SRGAP2B: variants seen among roughly 807,000 people sequenced by gnomAD.
SRGAP2B encodes the protein SLIT-ROBO Rho GTPase-activating protein 2B.
SRGAP2B carries 9 observed loss-of-function variants against 22.2 expected under a neutral mutation model. The observed-to-expected ratio is 0.41, with a 90% CI of 0.24 to 0.71. The LOEUF (loss-of-function observed/expected upper bound fraction) is 0.71, where lower values mean the gene tolerates loss of function less well. Ranked by LOEUF, SRGAP2B falls within the 30% of genes least tolerant of loss-of-function variation. The pLI is 0.35. For missense variants in SRGAP2B, 114 were observed against 235.8 expected (o/e 0.48, Z 3.38); for synonymous variants, 36 against 87.4 (o/e 0.41, Z 3.28).
intron 3 of SRGAP2B, among the ~76,000 whole-genome samples, chr1:144,970,738 C>T (rs1477353143): frequency 1.4e-5 from 2 of 147,620 alleles, no homozygotes; most frequent in Non-Finnish European, 3.0e-5. Context: ...TTTATTAGTA[C>T]TCCTGATGTC....
At chr1:144,964,783 G>T (rs1338113653) in intron 3 of SRGAP2B, among the ~76,000 whole-genome samples, 1 of 150,656 alleles carries the variant, frequency 6.6e-6, no homozygotes, top group African/African-American at 2.5e-5. Flanking sequence ...GCCAGGTATG[G>T]TGACACGTGC....
At chr1:144,955,323 G>A (rs1181151765) in intron 4 of SRGAP2B, 116 bp downstream of exon 4, 12 of 516,940 alleles carry the variant, frequency 2.3e-5, no homozygotes, top group Admixed American at 2.0e-4. Flanking sequence ...GCATGTCATG[G>A]GGGTCTGGTG....
chr1:144,984,369 A>AAAC (rs1553615557), intron 3 of SRGAP2B, among the ~76,000 whole-genome samples: 3 of 146,438 alleles, frequency 2.0e-5, no homozygotes, highest in Non-Finnish European at 4.4e-5. Flanking sequence ...CAACAACAAA[A>AAAC]AAAAAAAAAC....
chr1:144,941,028 T>C (rs1229371159), intron 4 of SRGAP2B, among the ~76,000 whole-genome samples: 1 of 149,950 alleles, frequency 6.7e-6, no homozygotes, highest in African/African-American at 2.5e-5. Flanking sequence ...TAAAAAAGAT[T>C]GGAAGGAAAT....
intron 2 of SRGAP2B, among the ~76,000 whole-genome samples, chr1:145,020,974 A>AT (rs1242383815): frequency 6.7e-6 from 1 of 149,322 alleles, no homozygotes; most frequent in South Asian, 2.1e-4. Context: ...AATTTTTTAA[A>AT]TTTTTTTATT....
chr1:144,928,413 T>A (rs1402222962), intron 4 of SRGAP2B, among the ~76,000 whole-genome samples: 5 of 120,340 alleles, frequency 4.2e-5, no homozygotes, highest in Admixed American at 4.0e-4. Context: ...GGTTATTTAT[T>A]TATTTATTTA....
At chr1:144,920,763 T>C (rs1192917421) in intron 4 of SRGAP2B, among the ~76,000 whole-genome samples, 3 of 150,574 alleles carry the variant, frequency 2.0e-5, no homozygotes, top group Non-Finnish European at 4.4e-5. Context: ...TAATGAGTCA[T>C]TATACACAGG....
At chr1:144,889,165 G>A (rs1295418505) in exon 10 of SRGAP2B, 2 of 148,620 alleles carry the variant, frequency 1.3e-5, no homozygotes, top group Non-Finnish European at 3.0e-5. Flanking sequence ...ATGTTGTCCA[G>A]GCTGGTCTTG....
rs587675095 is a variant in SRGAP2B, at chr1:144,950,941, C to T, written c.423+4498G>A. Among the ~76,000 whole-genome samples, 7 of 150,516 alleles carry T rather than the reference C, an allele frequency of 4.7e-5. 1 individual carries two copies. The highest frequency in any genetic ancestry group is 3.3e-4 in the Admixed American group (5 of 15,158). On this transcript the variant is annotated intron_variant, in intron 4 of 9. Coordinates refer to ENST00000612199, the Ensembl canonical transcript of SRGAP2B. ...TGTGCTCACTGCAACCTCCACTTCC[C>T]GGGTTCAAGAGATTCTCCTGCTTCA...
At chr1:144,984,369 A>ACAAAAAAAACC (rs1558801876) in intron 3 of SRGAP2B, among the ~76,000 whole-genome samples, 2 of 146,436 alleles carry the variant, frequency 1.4e-5, no homozygotes, top group Admixed American at 1.3e-4. Flanking sequence ...CAACAACAAA[A>ACAAAAAAAACC]AAAAAAAAAC....
At chr1:144,950,671 ATTC>A (rs1237221275) in intron 4 of SRGAP2B, among the ~76,000 whole-genome samples, 6 of 143,670 alleles carry the variant, frequency 4.2e-5, no homozygotes, top group African/African-American at 1.6e-4. Flanking sequence ...AATTAGGTTA[ATTC>A]TATAACTAAG....
At chr1:145,068,310 A>C (rs1438016980) in intron 2 of SRGAP2B, among the ~76,000 whole-genome samples, 1 of 146,886 alleles carries the variant, frequency 6.8e-6, no homozygotes, top group Admixed American at 6.7e-5. Flanking sequence ...CCTGGTACAT[A>C]GTAGGCATAC....
Position 144,958,357 on chromosome 1 carries a change from C to A in SRGAP2B, c.261-2756G>T, listed in dbSNP as rs587719559. Among the ~76,000 whole-genome samples the A allele has an allele frequency of 4.6e-5, 7 of 150,980 alleles. 1 individual carries two copies. The highest frequency in any genetic ancestry group is 1.7e-4 in the African/African-American group (7 of 40,450). On this transcript the variant is annotated intron_variant, in intron 3 of 9. Transcript: ENST00000612199. ...AAATAAAATGCCTTACCACTTAATGCTAATAAGTTTTATTGAGAACTTGTA... is the reference window on the plus strand; with the variant it reads ...AAATAAAATGCCTTACCACTTAATGATAATAAGTTTTATTGAGAACTTGTA...
At chr1:144,995,161 T>A (rs1553618283) in exon 3 of SRGAP2B, 1 of 986,472 alleles carries the variant, frequency 1.0e-6, no homozygotes, top group East Asian at 2.7e-5. Context: ...ACACTGCTGG[T>A]CCAGGCATTT....
rs367693180 is a variant in SRGAP2B at position 144,987,434 on chromosome 1, C to T, written c.260+7574G>A. On this transcript the variant is annotated intron_variant, in intron 3 of 9. Coordinates refer to ENST00000612199, the Ensembl canonical transcript of SRGAP2B. ...CCCCTCGTCCTGTTGCCTTTTCCTG[C>T]TGGCTGGAATGAGAACATGGTGGCA... Among the ~76,000 whole-genome samples, 235 of 150,394 alleles carry T rather than the reference C, an allele frequency of 1.6e-3. No individual in the cohort carries two copies. The East Asian group carries it at 0.044, about 28-fold the overall frequency.
At chr1:144,971,660 C>T (rs1417656887) in intron 3 of SRGAP2B, among the ~76,000 whole-genome samples, 1 of 150,908 alleles carries the variant, frequency 6.6e-6, no homozygotes, top group African/African-American at 2.5e-5. Flanking sequence ...CTCAGTGAAT[C>T]TTCTGTGCCT....
intron 2 of SRGAP2B, among the ~76,000 whole-genome samples, chr1:145,040,881 G>A (rs1649150474): frequency 6.8e-6 from 1 of 148,014 alleles, no homozygotes; most frequent in Non-Finnish European, 1.5e-5. Context: ...CACCCATCAG[G>A]ACCACTCTTG....
chr1:145,045,289 T>C (rs1302071873), intron 2 of SRGAP2B, among the ~76,000 whole-genome samples: 1 of 96,962 alleles, frequency 1.0e-5, no homozygotes, highest in East Asian at 2.7e-4. Flanking sequence ...GGAGCGAGAC[T>C]CCGCCTCAAA....
chr1:144,979,848 C>T (rs1188291966), intron 3 of SRGAP2B, among the ~76,000 whole-genome samples: 2 of 151,768 alleles, frequency 1.3e-5, no homozygotes, highest in East Asian at 1.9e-4. Flanking sequence ...GCCTCCTGTA[C>T]AGCCTGCAGA....
Sources: allele counts gnomAD v4.1 joint callset (sites outside exome capture counted in the v4.1 genomes callset), GRCh38; gene constraint gnomAD v4.1.1; transcripts MANE v1.5; gene names NCBI Gene and HGNC (gene_info 2026-07-23, HGNC 2026-07-21).